PUS10: variants seen among roughly 807,000 people sequenced by gnomAD.
PUS10 encodes the protein pseudouridine synthase 10.
PUS10 carries 59 observed loss-of-function variants against 75.0 expected under a neutral mutation model. That is an observed-to-expected ratio of 0.79 (90% confidence interval 0.64 to 0.98). The LOEUF (loss-of-function observed/expected upper bound fraction) is 0.98. Ranked by LOEUF, PUS10 falls within the 50% of genes least tolerant of loss-of-function variation. The pLI is 0.00. For synonymous variants in PUS10, 219 were observed against 211.6 expected, an observed-to-expected ratio of 1.03 and a Z score of -0.30; for missense variants, 650 against 614.4, an observed-to-expected ratio of 1.06 and a Z score of -0.61.
At chr2:60,947,005 G>A (rs1674983310) in intron 16 of PUS10, among the ~76,000 whole-genome samples, 1 of 152,098 alleles carries the variant, frequency 6.6e-6, no homozygotes, top group Non-Finnish European at 1.5e-5. Context: ...CTAAAGCTAA[G>A]CCTATTGGAG....
intron 4 of PUS10, among the ~76,000 whole-genome samples, chr2:60,985,615 C>T (rs769511778): frequency 6.6e-6 from 1 of 152,064 alleles, no homozygotes; most frequent in African/African-American, 2.4e-5. Context: ...ATTCTAACAC[C>T]TCAGCCTCCC....
At chr2:60,990,196 A>T (rs1302316894) in intron 4 of PUS10, among the ~76,000 whole-genome samples, 2 of 152,216 alleles carry the variant, frequency 1.3e-5, no homozygotes, top group African/African-American at 4.8e-5. Flanking sequence ...AGGTCTTGGA[A>T]TTAAAAACAT....
chr2:61,008,231 T>G (rs1240660988), intron 3 of PUS10, among the ~76,000 whole-genome samples: 2 of 146,346 alleles, frequency 1.4e-5, no homozygotes, highest in South Asian at 4.3e-4. Flanking sequence ...ACAAAAAGAT[T>G]AAAAAATTAG....
chr2:61,010,299 TA>T (rs2104725458), intron 2 of PUS10: 1 of 157,400 alleles, frequency 6.4e-6, no homozygotes, highest in South Asian at 1.8e-4. Flanking sequence ...ATAGCACAAG[TA>T]CCATTTCTGG....
intron 3 of PUS10, 39 bp from the exon 4 acceptor site, chr2:61,006,682 G>A (rs1353000115): frequency 6.7e-7 from 1 of 1,487,928 alleles, no homozygotes; most frequent in Non-Finnish European, 9.3e-7. Context: ...CCCAGGAATT[G>A]CTGAAAATAT....
intron 4 of PUS10, among the ~76,000 whole-genome samples, chr2:60,972,347 G>A (rs1240769176): frequency 6.6e-6 from 1 of 151,682 alleles, no homozygotes; most frequent in African/African-American, 2.4e-5. Context: ...GCGGGCGCCC[G>A]TAGTCCCAGC....
chr2:61,000,064 C>G (rs945980316), intron 4 of PUS10, among the ~76,000 whole-genome samples: 1 of 151,990 alleles, frequency 6.6e-6, no homozygotes, highest in Non-Finnish European at 1.5e-5. Flanking sequence ...ACCAACCCCC[C>G]ACAGATATCA....
chr2:60,971,523 C>A lies in PUS10; in HGVS notation c.503G>T (p.Gly168Val). The stretch of plus-strand genomic sequence containing the variant: ...AAAATTCCCTACCTAAATTACTTAC[C>A]CCATTTCCTGTTTTACCAGCAACCA... ...AAWLLVKQEM[G>V]KQSLSLGRDD... Residue 168 changes from glycine to valine, a missense_variant and splice_region_variant, in exon 5 of 18, where the codon GGA (glycine) becomes GTA (valine). By Grantham distance (109) the Gly-to-Val change is moderately radical. Transcript: ENST00000316752. The A allele has an allele frequency of 6.2e-7, 1 of 1,613,366 alleles. No individual in the cohort carries two copies. Among genetic ancestry groups the A allele is most frequent in the Non-Finnish European group, 8.5e-7 (1 of 1,179,492 alleles).
chr2:60,995,600 C>T (rs1334093812), intron 4 of PUS10, among the ~76,000 whole-genome samples: 1 of 152,096 alleles, frequency 6.6e-6, no homozygotes, highest in South Asian at 2.1e-4. Context: ...CTACGCCACA[C>T]GGTCCTAAAA....
At chr2:60,975,446 G>A (rs546267210) in intron 4 of PUS10, among the ~76,000 whole-genome samples, 4 of 152,112 alleles carry the variant, frequency 2.6e-5, no homozygotes, top group African/African-American at 4.8e-5. Flanking sequence ...CACCCAGACA[G>A]TATCATAGTA....
At chr2:61,013,430 T>C (rs1163487230) in intron 1 of PUS10, among the ~76,000 whole-genome samples, 2 of 152,174 alleles carry the variant, frequency 1.3e-5, no homozygotes, top group East Asian at 3.9e-4. Context: ...CCCCACTGAG[T>C]TGATTACCTT....
intron 4 of PUS10, among the ~76,000 whole-genome samples, chr2:60,995,960 G>T (rs1252087927): frequency 2.0e-5 from 3 of 152,120 alleles, no homozygotes; most frequent in Admixed American, 6.6e-5. Context: ...CTGGGTTCAG[G>T]CCAAGGAAAA....
At chr2:60,948,591 TTGGTGAAGGAAAAGGG>T in intron 15 of PUS10, among the ~76,000 whole-genome samples, 1 of 152,154 alleles carries the variant, frequency 6.6e-6, no homozygotes, top group East Asian at 1.9e-4. Flanking sequence ...TGGTTTTTTT[TTGGTGAAGGAAAAGGG>T]TTATACAAAA....
intron 4 of PUS10, among the ~76,000 whole-genome samples, chr2:60,971,865 CTTTTTTTTTT>C (rs756222357): frequency 5.0e-5 from 5 of 99,638 alleles, no homozygotes; most frequent in Non-Finnish European, 7.8e-5. Flanking sequence ...TCTTTCTTCT[CTTTTTTTTTT>C]TTTTTTTTTT....
intron 16 of PUS10, among the ~76,000 whole-genome samples, chr2:60,947,454 G>T (rs1675015592): frequency 6.6e-6 from 1 of 152,184 alleles, no homozygotes; most frequent in Admixed American, 6.5e-5. Context: ...TCAGCATTGT[G>T]TAAGACACTA....
At chr2:60,942,557 G>C in intron 17 of PUS10, 124 bp from the exon 18 acceptor site, 1 of 753,722 alleles carries the variant, frequency 1.3e-6, no homozygotes, top group Non-Finnish European at 2.3e-6. Context: ...TTGAAGAAAA[G>C]AGCTATTGAA....
At chr2:60,970,000 G>A (rs1676562582) in intron 5 of PUS10, among the ~76,000 whole-genome samples, 1 of 152,048 alleles carries the variant, frequency 6.6e-6, no homozygotes. Context: ...GCTGAGGCAG[G>A]AGAATCACTT....
At chr2:61,006,691 A>G (rs1679234823) in intron 3 of PUS10, 48 bp from the exon 4 acceptor site, 1 of 1,410,446 alleles carries the variant, frequency 7.1e-7, no homozygotes, top group African/African-American at 1.4e-5. Context: ...TGCTGAAAAT[A>G]TTACTTACCC....
chr2:60,950,506 C>G (rs990804428), intron 15 of PUS10, among the ~76,000 whole-genome samples: 1 of 152,160 alleles, frequency 6.6e-6, no homozygotes, highest in Admixed American at 6.5e-5. Context: ...CAACCTCTGA[C>G]CTCTGGGTTC....
Sources: gnomAD v4.1 joint callset for allele counts (sites outside exome capture counted in the v4.1 genomes callset) on GRCh38, gnomAD v4.1.1 for gene constraint, MANE v1.5 for transcripts, NCBI Gene and HGNC (gene_info 2026-07-23, HGNC 2026-07-21) for gene names.